Variants in EDA2R observed in about 807,000 individuals in gnomAD.
The protein encoded by EDA2R is tumor necrosis factor receptor superfamily member 27.
A neutral mutation model predicts 20.1 loss-of-function variants in EDA2R; 26 were observed. The observed-to-expected ratio is 1.30, with a 90% CI of 0.95 to 1.80. The LOEUF (loss-of-function observed/expected upper bound fraction) is 1.80. Ranked by LOEUF, EDA2R falls within the 40% of genes most tolerant of loss-of-function variation. EDA2R has a pLI of 0.00. For synonymous variants in EDA2R, 114 were observed against 88.7 expected (o/e 1.29, Z -1.60); for missense variants, 277 against 228.7 (o/e 1.21, Z -1.36).
Position 66,605,037 on chromosome X carries a change from A to C in EDA2R, c.266+11T>G. On this transcript the variant is annotated intron_variant, in intron 3 of 6. Coordinates refer to ENST00000374719, the MANE Select transcript of EDA2R (RefSeq NM_021783.5). The stretch of plus-strand genomic sequence containing the variant: ...AGCCCAGACAAGCTTGGTCTCATAA[A>C]GCAAGCTCACCTGGGCAAACAGTCC... The C allele has an allele frequency of 8.4e-7, 1 of 1,191,803 alleles. No homozygotes were observed. The highest frequency in any genetic ancestry group is 3.0e-5 in the East Asian group (1 of 33,248).
intron 2 of EDA2R, among the ~76,000 whole-genome samples, chrX:66,608,284 G>A (rs898762426): frequency 1.8e-5 from 2 of 110,747 alleles, no homozygotes; most frequent in Non-Finnish European, 3.8e-5. Flanking sequence ...AATATTTGAA[G>A]AAATAATGGC....
chrX:66,621,458 C>T (rs1030361610), intron 1 of EDA2R, among the ~76,000 whole-genome samples: 3 of 112,047 alleles, frequency 2.7e-5, no homozygotes, highest in South Asian at 7.4e-4. Flanking sequence ...ACAAATGTTC[C>T]TAGCAGCATT....
intron 1 of EDA2R, among the ~76,000 whole-genome samples, chrX:66,636,703 T>C (rs1416175851): frequency 9.1e-6 from 1 of 110,300 alleles, no homozygotes. Flanking sequence ...TTACAATTCA[T>C]GAAATTCTAC....
Position 66,597,756 on chromosome X carries a change from T to C in EDA2R, c.*348A>G. On this transcript the variant is annotated 3_prime_UTR_variant, in exon 7 of 7. Coordinates refer to ENST00000374719, the MANE Select transcript of EDA2R (RefSeq NM_021783.5). ...GCTAGGTAGATGTGCCAACACAATT[T>C]TGAGAGGCTTACCTGACCAAAAATG... The C allele has an allele frequency of 6.8e-6, 1 of 147,252 alleles. No homozygotes were observed. Among genetic ancestry groups the C allele is most frequent in the Non-Finnish European group, 1.4e-5 (1 of 73,987 alleles). The allele number at this position is 147,252 out of a possible 1,213,427, so 12.1% of individuals were successfully genotyped here.
chrX:66,625,904 G>A lies in EDA2R; in HGVS notation c.-10-9874C>T, dbSNP rs186559812. The stretch of plus-strand genomic sequence containing the variant: ...TAGACTTGGTGGGTGGCTAGACTCA[G>A]AAGAGATATAAAAATCACTGCTGCT... On this transcript the variant is annotated intron_variant, in intron 1 of 6. Transcript: ENST00000374719. Among the ~76,000 whole-genome samples, 4 of 111,625 alleles carry A rather than the reference G, an allele frequency of 3.6e-5. No homozygotes were observed. The East Asian group carries it at 1.1e-3, about 32-fold the overall frequency.
chrX:66,601,728 C>CT (rs1928642962), intron 5 of EDA2R, among the ~76,000 whole-genome samples: 1 of 111,152 alleles, frequency 9.0e-6, no homozygotes, highest in African/African-American at 3.3e-5. Context: ...TTCAGTGTCC[C>CT]TGCCTAACTC....
intron 5 of EDA2R, among the ~76,000 whole-genome samples, chrX:66,601,157 A>G (rs1009058037): frequency 1.8e-5 from 2 of 112,359 alleles, no homozygotes; most frequent in African/African-American, 6.5e-5. Context: ...CAAGCAGGTT[A>G]CCACATTATT....
At chrX:66,613,271 T>G (rs1358395812) in intron 2 of EDA2R, among the ~76,000 whole-genome samples, 1 of 111,762 alleles carries the variant, frequency 8.9e-6, no homozygotes, top group African/African-American at 3.2e-5. Context: ...ACTTACATTT[T>G]AAACGATTTT....
intron 2 of EDA2R, among the ~76,000 whole-genome samples, chrX:66,607,197 A>C (rs1365945691): frequency 3.6e-5 from 4 of 112,295 alleles, no homozygotes; most frequent in African/African-American, 1.3e-4. Flanking sequence ...TAACTGTTTA[A>C]GTAGTTCCCC....
chrX:66,602,261 A>G (rs934904232), intron 5 of EDA2R, among the ~76,000 whole-genome samples: 4 of 111,722 alleles, frequency 3.6e-5, no homozygotes, highest in Non-Finnish European at 7.5e-5. Context: ...TATCTTAAAG[A>G]TTAGGAAGAA....
At chrX:66,629,480 TAACTC>T (rs1405008870) in intron 1 of EDA2R, among the ~76,000 whole-genome samples, 1 of 111,785 alleles carries the variant, frequency 8.9e-6, no homozygotes, top group African/African-American at 3.3e-5. Context: ...ACTGATAAAA[TAACTC>T]AACGAAGTTT....
rs1307531090 is a variant in EDA2R at position 66,597,513 on chromosome X, G to A, written c.*591C>T. 1.8e-5 allele frequency: 2 copies of A among 112,194 alleles called. No individual in the cohort carries two copies. The highest frequency in any genetic ancestry group is 1.9e-4 in the Admixed American group (2 of 10,622). 9.2% of individuals were successfully genotyped at this position (112,194 alleles called of 1,213,427 possible). ...TACAGGGTGAGGCCCCAGGGATCTA[G>A]AGGGAAAGTGTTTGCCCTGCCTCAT... On this transcript the variant is annotated 3_prime_UTR_variant, in exon 7 of 7. Transcript: ENST00000374719.
At chrX:66,633,997 A>G (rs772485154) in intron 1 of EDA2R, among the ~76,000 whole-genome samples, 3 of 111,640 alleles carry the variant, frequency 2.7e-5, no homozygotes, top group Admixed American at 9.5e-5. Flanking sequence ...AGATGTCAAC[A>G]AGAACAGTCT....
At chrX:66,623,357 A>G (rs1386605782) in intron 1 of EDA2R, among the ~76,000 whole-genome samples, 1 of 112,036 alleles carries the variant, frequency 8.9e-6, no homozygotes, top group African/African-American at 3.2e-5. Context: ...TAGAAAATAA[A>G]GATAAAGGGG....
At chrX:66,628,606 C>T (rs1933375672) in intron 1 of EDA2R, among the ~76,000 whole-genome samples, 1 of 108,900 alleles carries the variant, frequency 9.2e-6, no homozygotes, top group African/African-American at 3.3e-5. Context: ...GGATAAATTC[C>T]TGGAAAAATA....
At position 66,609,882 on chromosome X, in the gene EDA2R, A is replaced by T. The variant is rs1930409925; in HGVS notation, c.88-4656T>A. Among the ~76,000 whole-genome samples, 3 of 111,889 alleles carry T rather than the reference A, an allele frequency of 2.7e-5. No individual in the cohort carries two copies. In the Admixed American group the frequency reaches 2.9e-4, roughly 11 times the overall value. On this transcript the variant is annotated intron_variant, in intron 2 of 6. Coordinates refer to ENST00000374719, the MANE Select transcript of EDA2R (RefSeq NM_021783.5). ...AAATTTGATACATTCCTCACACTATACACCAAAATAGATCAGAAATTTATA... is the reference window on the plus strand; with the variant it reads ...AAATTTGATACATTCCTCACACTATTCACCAAAATAGATCAGAAATTTATA...
At chrX:66,607,742 G>A (rs1464345453) in intron 2 of EDA2R, among the ~76,000 whole-genome samples, 1 of 111,793 alleles carries the variant, frequency 8.9e-6, no homozygotes, top group African/African-American at 3.3e-5. Flanking sequence ...AGGAAGAGGG[G>A]AAATCTGACT....
intron 2 of EDA2R, among the ~76,000 whole-genome samples, chrX:66,606,875 A>G (rs925089276): frequency 8.9e-6 from 1 of 112,109 alleles, no homozygotes; most frequent in Non-Finnish European, 1.9e-5. Flanking sequence ...GACTGATACA[A>G]GGTATTTATG....
intron 5 of EDA2R, 44 bp downstream of exon 5, chrX:66,602,589 G>A (rs1928817438): frequency 8.7e-7 from 1 of 1,148,274 alleles, no homozygotes; most frequent in Middle Eastern, 2.4e-4. Flanking sequence ...GCCAATAAGA[G>A]CCTTGTTCCT....
Sources: allele counts gnomAD v4.1 joint callset (sites outside exome capture counted in the v4.1 genomes callset), GRCh38; gene constraint gnomAD v4.1.1; transcripts MANE v1.5; gene names NCBI Gene and HGNC (gene_info 2026-07-23, HGNC 2026-07-21).